Variants in TBC1D5 observed in about 807,000 individuals in gnomAD.
The protein encoded by TBC1D5 is TBC1 domain family member 5, also known as TBC1 domain family, member 5.
TBC1D5 carries 75 observed loss-of-function variants against 100.3 expected under a neutral mutation model. That is an observed-to-expected ratio of 0.75 (90% CI 0.62 to 0.91). TBC1D5 has a LOEUF of 0.91. TBC1D5 is among the 40% of genes least tolerant of loss of function. The pLI, the probability that TBC1D5 is intolerant of heterozygous loss-of-function variation, is 0.00. For missense variants in TBC1D5, 910 were observed against 942.4 expected (o/e 0.97, Z 0.45); for synonymous variants, 323 against 325.6 (o/e 0.99, Z 0.09).
chr3:17,617,396 T>C (rs905127889), intron 2 of TBC1D5, among the ~76,000 whole-genome samples: 1 of 152,028 alleles, frequency 6.6e-6, no homozygotes, highest in Admixed American at 6.6e-5. Flanking sequence ...TTCCAAGGAG[T>C]ATCTTTGTGG....
At chr3:17,361,543 T>A (rs1344845684) in intron 13 of TBC1D5, among the ~76,000 whole-genome samples, 1 of 152,038 alleles carries the variant, frequency 6.6e-6, no homozygotes, top group Non-Finnish European at 1.5e-5. Context: ...TTAAAAATCA[T>A]ACAAAATCAT....
intron 3 of TBC1D5, among the ~76,000 whole-genome samples, chr3:17,478,107 T>G (rs1167394237): frequency 6.6e-6 from 1 of 152,142 alleles, no homozygotes; most frequent in Admixed American, 6.5e-5. Context: ...ATCCAGAAAT[T>G]TAGGAAAACG....
chr3:17,646,097 A>G (rs932633040), intron 1 of TBC1D5, among the ~76,000 whole-genome samples: 2 of 152,134 alleles, frequency 1.3e-5, no homozygotes, highest in Non-Finnish European at 2.9e-5. Context: ...CCCAAACCCA[A>G]TATGACTGAT....
intron 4 of TBC1D5, among the ~76,000 whole-genome samples, chr3:17,412,425 G>A (rs1575772256): frequency 6.6e-6 from 1 of 152,258 alleles, no homozygotes; most frequent in East Asian, 1.9e-4. Context: ...ACTGCTGAAA[G>A]GTTTAGCCCT....
chr3:17,183,875 A>T (rs1038606495), intron 19 of TBC1D5, among the ~76,000 whole-genome samples: 2 of 152,146 alleles, frequency 1.3e-5, no homozygotes, highest in Non-Finnish European at 2.9e-5. Context: ...GCCTTGGTGG[A>T]TTCTCTTTGG....
chr3:17,245,325 T>G (rs1449881), intron 16 of TBC1D5, among the ~76,000 whole-genome samples: 59,918 of 152,024 alleles, frequency 0.39, 12,546 homozygotes, highest in Middle Eastern at 0.49. Context: ...TTAATTTGCT[T>G]GCCATACTGT....
intron 2 of TBC1D5, among the ~76,000 whole-genome samples, chr3:17,526,599 G>A (rs1298637175): frequency 6.6e-6 from 1 of 152,160 alleles, no homozygotes; most frequent in African/African-American, 2.4e-5. Context: ...CTGTGTCTCA[G>A]TTTCCTCACA....
At chr3:17,186,020 G>T in intron 18 of TBC1D5, among the ~76,000 whole-genome samples, 1 of 148,054 alleles carries the variant, frequency 6.8e-6, no homozygotes. Flanking sequence ...AAGGAAATTT[G>T]GAAGATTATC....
intron 3 of TBC1D5, among the ~76,000 whole-genome samples, chr3:17,469,067 G>A: frequency 6.6e-6 from 1 of 152,104 alleles, no homozygotes; most frequent in Non-Finnish European, 1.5e-5. Flanking sequence ...CCCTGGATAT[G>A]TGATTAGCAT....
At chr3:17,340,638 T>C (rs1019574949) in intron 13 of TBC1D5, 14 of 152,326 alleles carry the variant, frequency 9.2e-5, no homozygotes, top group African/African-American at 2.6e-4. Flanking sequence ...TTGTTTCATG[T>C]TAGGAAACTG....
intron 15 of TBC1D5, among the ~76,000 whole-genome samples, chr3:17,271,175 T>G (rs2079385228): frequency 6.6e-6 from 1 of 152,186 alleles, no homozygotes; most frequent in African/African-American, 2.4e-5. Context: ...TTGATAGAAA[T>G]AGCAGTTTTG....
intron 2 of TBC1D5, among the ~76,000 whole-genome samples, chr3:17,590,956 C>T (rs995553195): frequency 3.3e-5 from 5 of 151,964 alleles, no homozygotes; most frequent in Non-Finnish European, 7.4e-5. Flanking sequence ...AACAGAGAAT[C>T]GGGCCAGGCA....
intron 2 of TBC1D5, among the ~76,000 whole-genome samples, chr3:17,544,506 C>T (rs2096393110): frequency 6.6e-6 from 1 of 152,008 alleles, no homozygotes; most frequent in African/African-American, 2.4e-5. Flanking sequence ...CAAAAATTGG[C>T]TGGGTGTGGT....
chr3:17,364,698 C>T (rs1159080836), intron 13 of TBC1D5, among the ~76,000 whole-genome samples: 1 of 152,068 alleles, frequency 6.6e-6, no homozygotes, highest in Non-Finnish European at 1.5e-5. Context: ...TGTATAGTAC[C>T]ATAACTAACG....
At chr3:17,386,252 C>G (rs1469971405) in intron 8 of TBC1D5, among the ~76,000 whole-genome samples, 1 of 152,026 alleles carries the variant, frequency 6.6e-6, no homozygotes, top group African/African-American at 2.4e-5. Context: ...TTTGCACGTC[C>G]CCTTCCTCAT....
intron 4 of TBC1D5, among the ~76,000 whole-genome samples, chr3:17,419,404 C>T (rs1441159791): frequency 1.3e-5 from 2 of 152,172 alleles, no homozygotes; most frequent in Non-Finnish European, 2.9e-5. Context: ...TTCCCAAGGC[C>T]TGCATATCCC....
chr3:17,241,181 T>C (rs538916324), intron 16 of TBC1D5, among the ~76,000 whole-genome samples: 2 of 152,288 alleles, frequency 1.3e-5, no homozygotes, highest in Non-Finnish European at 2.9e-5. Context: ...TTTCTAGGCA[T>C]AACAGTTTTT....
rs868224843 is a variant in TBC1D5, at chr3:17,480,783, C to T, written c.97+27691G>A. On this transcript the variant is annotated intron_variant, in intron 3 of 21. Transcript: ENST00000253692. ...GACACTAATCAGGATGACCTGCCTA[C>T]GGAAAGGAGCTACCCACTCAGGTCT... Among the ~76,000 whole-genome samples, 39 of 152,144 alleles carry T rather than the reference C, an allele frequency of 2.6e-4. No individual in the cohort carries two copies. In the Middle Eastern group the frequency reaches 0.01, roughly 40 times the overall value.
chr3:17,259,398 A>C (rs1410768434), intron 15 of TBC1D5, among the ~76,000 whole-genome samples: 1 of 152,226 alleles, frequency 6.6e-6, no homozygotes, highest in African/African-American at 2.4e-5. Flanking sequence ...TTAAACAAAT[A>C]TACTTCTGCT....
Sources: gnomAD v4.1 joint callset for allele counts (sites outside exome capture counted in the v4.1 genomes callset) on GRCh38, gnomAD v4.1.1 for gene constraint, MANE v1.5 for transcripts, NCBI Gene and HGNC (gene_info 2026-07-23, HGNC 2026-07-21) for gene names.